Variants in PSG7 observed in about 807,000 individuals in gnomAD.
PSG7 encodes pregnancy specific beta-1-glycoprotein 7.
Under a neutral mutation model 45.6 loss-of-function variants are expected in PSG7, and 57 were observed. The observed-to-expected ratio is 1.25, with a 90% CI of 1.01 to 1.56. PSG7 has a LOEUF of 1.56. Among genes scored for constraint, PSG7 ranks in the 40% most tolerant of loss-of-function variants. PSG7 has a pLI of 0.00. For synonymous variants in PSG7, 298 were observed against 194.4 expected, an observed-to-expected ratio of 1.53 and a Z score of -4.43; for missense variants, 796 against 508.4, an observed-to-expected ratio of 1.57 and a Z score of -5.44.
intron 2 of PSG7, among the ~76,000 whole-genome samples, chr19:42,933,794 C>T (rs1234856944): frequency 6.6e-6 from 1 of 150,980 alleles, no homozygotes; most frequent in East Asian, 2.0e-4. Context: ...GGACAAGGTG[C>T]CCCCATTTCC....
intron 2 of PSG7, 61 bp downstream of exon 2, chr19:42,935,343 G>T: frequency 1.3e-6 from 2 of 1,599,220 alleles, no homozygotes; most frequent in East Asian, 2.3e-5. Context: ...ACAATTCTGT[G>T]TGTGTGAAGT....
At chr19:42,933,280 TATATATATATATATATA>T (rs1973062959) in intron 2 of PSG7, among the ~76,000 whole-genome samples, 2 of 6,910 alleles carry the variant, frequency 2.9e-4, no homozygotes, top group African/African-American at 7.8e-4. Context: ...TATATATATA[TATATATATATATATATA>T]TATATATATA....
At chr19:42,929,248 G>A (rs1600565883) in intron 3 of PSG7, 194 bp downstream of exon 3, 1 of 1,304,850 alleles carries the variant, frequency 7.7e-7, no homozygotes, top group East Asian at 2.4e-5. Flanking sequence ...CATGACAGGA[G>A]CAGCCTCTTT....
At chr19:42,936,942 C>G in intron 1 of PSG7, 71 bp downstream of exon 1, 1 of 1,588,610 alleles carries the variant, frequency 6.3e-7, no homozygotes, top group Non-Finnish European at 8.6e-7. Context: ...AGAACCCCAT[C>G]CTCTCTAGGA....
At chr19:42,935,281 A>G in intron 2 of PSG7, 123 bp downstream of exon 2, 1 of 1,508,886 alleles carries the variant, frequency 6.6e-7, no homozygotes, top group Non-Finnish European at 9.1e-7. Flanking sequence ...AAATGCCCAA[A>G]CCCCAGCATG....
intron 3 of PSG7, among the ~76,000 whole-genome samples, chr19:42,928,564 T>C (rs1345872265): frequency 3.3e-5 from 5 of 151,696 alleles, no homozygotes; most frequent in African/African-American, 4.8e-5. Context: ...GAAATTATTT[T>C]CTTAATTTCT....
Position 42,929,287 on chromosome 19 carries a change from A to T in PSG7, c.709+155T>A. ...CTTATTGTGGATCAAGCCTAGGCCT[A>T]CTCTGGTTTGCCTGGGGCAGGAAGT... On this transcript the variant is annotated intron_variant, in intron 3 of 5. Coordinates refer to ENST00000406070, the MANE Select transcript of PSG7 (RefSeq NM_002783.3). 4 of 1,520,076 alleles carry T rather than the reference A, an allele frequency of 2.6e-6. No homozygotes were observed. The Admixed American group carries it at 5.7e-5, about 21-fold the overall frequency. The allele number at this position is 1,520,076 out of a possible 1,614,324, so 94.2% of individuals were successfully genotyped here.
At chr19:42,935,339 C>G in intron 2 of PSG7, 65 bp downstream of exon 2, 1 of 1,598,546 alleles carries the variant, frequency 6.3e-7, no homozygotes, top group Admixed American at 1.7e-5. Flanking sequence ...CCTGACAATT[C>G]TGTGTGTGTG....
intron 2 of PSG7, among the ~76,000 whole-genome samples, chr19:42,933,871 G>A (rs1201255325): frequency 6.6e-6 from 1 of 151,314 alleles, no homozygotes; most frequent in African/African-American, 2.4e-5. Context: ...ACATGAGGTG[G>A]GGTGGCTTTA....
Position 42,929,594 on chromosome 19 carries a change from C to T in PSG7, c.557G>A (p.Ser186Asn), listed in dbSNP as rs202133393. The part of the protein sequence containing the change: ...ASYLWWMNGQ[S>N]LPMTHSLQLS... Reference sequence around the variant, plus strand: ...CTGCAAGCTGTGAGTCATAGGGAGGCTCTGACCATTCATCCACCACAGGTA... The same window carrying T: ...CTGCAAGCTGTGAGTCATAGGGAGGTTCTGACCATTCATCCACCACAGGTA... The change falls in exon 3 of 6, where the codon AGC becomes AAC. Residue 186 changes from serine to asparagine, a missense_variant. Transcript: ENST00000406070. 130 of 1,612,470 alleles carry T rather than the reference C, an allele frequency of 8.1e-5. 2 individuals carry two copies. Among genetic ancestry groups the T allele is most frequent in the East Asian group, 1.6e-4 (7 of 44,818 alleles).
chr19:42,928,254 T>G (rs1972937750), intron 3 of PSG7, among the ~76,000 whole-genome samples: 1 of 151,644 alleles, frequency 6.6e-6, no homozygotes, highest in African/African-American at 2.4e-5. Flanking sequence ...AGTGTTTTTG[T>G]TGTGGCAGTC....
In PSG7 at chr19:42,924,797, A is replaced by T. The variant is rs373902523; in HGVS notation, c.*11T>A. On this transcript the variant is annotated 3_prime_UTR_variant, in exon 6 of 6. Coordinates refer to ENST00000406070, the MANE Select transcript of PSG7 (RefSeq NM_002783.3). ...CATGGGAGAAGATGGAATTGGAGGA[A>T]CTAGTAGAATTCAGGGTAATGTCCA... The T allele has an allele frequency of 2.6e-6, 2 of 766,032 alleles. No homozygotes were observed. The highest frequency in any genetic ancestry group is 1.7e-5 in the African/African-American group (1 of 58,022). 47.5% of individuals were successfully genotyped at this position (766,032 alleles called of 1,614,324 possible).
chr19:42,928,342 G>A (rs898052354), intron 3 of PSG7, among the ~76,000 whole-genome samples: 3 of 151,324 alleles, frequency 2.0e-5, no homozygotes, highest in African/African-American at 7.3e-5. Flanking sequence ...ATGCTGGTAG[G>A]GGTTGCATTG....
At chr19:42,931,486 C>T (rs1973018522) in intron 2 of PSG7, among the ~76,000 whole-genome samples, 1 of 151,562 alleles carries the variant, frequency 6.6e-6, no homozygotes, top group African/African-American at 2.4e-5. Flanking sequence ...AAAGAACTGC[C>T]TGCTTATAAT....
In PSG7 at chr19:42,935,534, T is replaced by G. The variant is rs1408852280; in HGVS notation, c.300A>C (p.Thr100=). 1.2e-6 allele frequency: 2 copies of G among 1,612,106 alleles called. No homozygotes were observed. The highest frequency in any genetic ancestry group is 1.7e-6 in the Non-Finnish European group (2 of 1,179,050). ...KYGPAYSGRE[T]VYSNASLLIQ... is the part of the protein sequence containing the mutation. ...TCAGCAGGGATGCATTGGAATATAC[T>G]GTTTCTCGTCCACTGTATGCAGGCC... The change falls in exon 2 of 6, where the codon ACA becomes ACC. Residue 100 remains threonine, a synonymous_variant. Transcript: ENST00000406070.
At chr19:42,928,332 A>G (rs559880516) in intron 3 of PSG7, among the ~76,000 whole-genome samples, 8 of 151,576 alleles carry the variant, frequency 5.3e-5, no homozygotes, top group Non-Finnish European at 1.2e-4. Flanking sequence ...TGTTACTGGG[A>G]TGCTGGTAGG....
In PSG7 at chr19:42,929,995, T is replaced by C. The variant is rs528567807; in HGVS notation, c.431-275A>G. On this transcript the variant is annotated intron_variant, in intron 2 of 5. Transcript: ENST00000406070. ...AAGACACAGGACCAGCAGTCACAGCTTCTGGTGCCTCTCTGAGTCCCTCCA... is the reference window on the plus strand; with the variant it reads ...AAGACACAGGACCAGCAGTCACAGCCTCTGGTGCCTCTCTGAGTCCCTCCA... 1.3e-4 allele frequency among the ~76,000 whole-genome samples: 20 copies of C among 151,718 alleles called. 1 individual carries two copies. Among genetic ancestry groups the C allele is most frequent in the South Asian group, 6.3e-4 (3 of 4,764 alleles).
chr19:42,937,089 C>G lies in PSG7; in HGVS notation c.-13G>C, dbSNP rs185373247. ...AGAGGGGCCCCATGGTCTCTGCTCC[C>G]TGCGTGTTCTCCTCTGTGGAGATGA... On this transcript the variant is annotated 5_prime_UTR_variant, in exon 1 of 6. Transcript: ENST00000406070. 20 of 1,609,896 alleles carry G rather than the reference C, an allele frequency of 1.2e-5. No individual in the cohort carries two copies. The South Asian group carries it at 2.0e-4, about 16-fold the overall frequency.
In PSG7 at chr19:42,926,674, G is replaced by C. The variant is rs115824313; in HGVS notation, c.752C>G (p.Pro251Arg). 13 of 1,610,250 alleles carry C rather than the reference G, an allele frequency of 8.1e-6. 1 individual carries two copies. Among genetic ancestry groups the C allele is most frequent in the Non-Finnish European group, 1.1e-5 (13 of 1,179,002 alleles). ...GGTTGAGACATCCTTATTCTCCCTG[G>C]GGTTTAAGTTATTGATGGTGATGTA... ...KPYITINNLN[P>R]RENKDVSTFT... The change falls in exon 4 of 6, where the codon CCC becomes CGC. Residue 251 changes from proline to arginine, a missense_variant. Transcript: ENST00000406070.
Sources: allele counts gnomAD v4.1 joint callset (sites outside exome capture counted in the v4.1 genomes callset), GRCh38; gene constraint gnomAD v4.1.1; transcripts MANE v1.5; gene names NCBI Gene and HGNC (gene_info 2026-07-23, HGNC 2026-07-21).